The following CIMIP6 variants were observed in gnomAD, a reference collection of about 807,000 sequenced individuals.
The protein encoded by CIMIP6 is ciliary microtubule inner protein 6, also known as uncharacterized protein C2orf73.
chr2:54,357,760 A>G, the CIMIP6 span, among the ~76,000 whole-genome samples: 2 of 128,990 alleles, frequency 1.6e-5, no homozygotes, highest in African/African-American at 5.8e-5. Context: ...TTTTTTTTGT[A>G]TTTTTAGTAG....
At chr2:54,349,412 G>A in the CIMIP6 span, among the ~76,000 whole-genome samples, 1 of 152,104 alleles carries the variant, frequency 6.6e-6, no homozygotes, top group Non-Finnish European at 1.5e-5. Context: ...ACCAATAGAA[G>A]CAGCAAATTG....
chr2:54,378,793 G>A, the CIMIP6 span, among the ~76,000 whole-genome samples: 7 of 152,312 alleles, frequency 4.6e-5, no homozygotes, highest in East Asian at 1.2e-3. Context: ...GTTCCCAAAA[G>A]CTCAAATAAG....
the CIMIP6 span, among the ~76,000 whole-genome samples, chr2:54,337,454 G>T: frequency 6.6e-6 from 1 of 152,134 alleles, no homozygotes; most frequent in Admixed American, 6.5e-5. Flanking sequence ...AAATTAATTT[G>T]GTACCAAAAT....
At chr2:54,367,887 C>G in the CIMIP6 span, among the ~76,000 whole-genome samples, 2 of 152,100 alleles carry the variant, frequency 1.3e-5, no homozygotes, top group African/African-American at 4.8e-5. Flanking sequence ...CTTCAAATTA[C>G]TCTGTAAACT....
chr2:54,343,790 A>G, the CIMIP6 span: 2 of 1,613,122 alleles, frequency 1.2e-6, no homozygotes, highest in Middle Eastern at 1.7e-4. Context: ...AAGAGCACCC[A>G]GAGGAGTGAC....
chr2:54,340,679 C>T, the CIMIP6 span, among the ~76,000 whole-genome samples: 1 of 152,176 alleles, frequency 6.6e-6, no homozygotes, highest in Non-Finnish European at 1.5e-5. Context: ...TTAGGAAAAA[C>T]TGTTCTCTAT....
chr2:54,373,584 T>C, the CIMIP6 span, among the ~76,000 whole-genome samples: 1 of 152,182 alleles, frequency 6.6e-6, no homozygotes, highest in African/African-American at 2.4e-5. Context: ...CCTCTGCTGC[T>C]GCCCTCAGAG....
chr2:54,351,429 G>A, the CIMIP6 span, among the ~76,000 whole-genome samples: 1 of 152,184 alleles, frequency 6.6e-6, no homozygotes. Flanking sequence ...ATACACCGTG[G>A]AACACTATGC....
chr2:54,335,276 TG>T, the CIMIP6 span, among the ~76,000 whole-genome samples: 72 of 152,300 alleles, frequency 4.7e-4, 1 homozygote, highest in African/African-American at 1.7e-3. Context: ...AGTAGTGCTT[TG>T]GGGTTACTAA....
At chr2:54,371,810 C>T in the CIMIP6 span, among the ~76,000 whole-genome samples, 5 of 152,192 alleles carry the variant, frequency 3.3e-5, no homozygotes, top group African/African-American at 1.2e-4. Context: ...AGCAGCTGCG[C>T]AGCTGTGGGA....
chr2:54,375,734 G>A, the CIMIP6 span, among the ~76,000 whole-genome samples: 4 of 152,194 alleles, frequency 2.6e-5, no homozygotes, highest in South Asian at 8.3e-4. Flanking sequence ...AATACATTAT[G>A]ATACATCTGC....
chr2:54,378,883 G>GA, the CIMIP6 span, among the ~76,000 whole-genome samples: 1 of 152,166 alleles, frequency 6.6e-6, no homozygotes, highest in Non-Finnish European at 1.5e-5. Flanking sequence ...CTTTCGTGAT[G>GA]AAAGTACTGT....
the CIMIP6 span, among the ~76,000 whole-genome samples, chr2:54,356,209 T>G: frequency 6.6e-6 from 1 of 151,574 alleles, no homozygotes; most frequent in African/African-American, 2.4e-5. Flanking sequence ...TTCACCAGCA[T>G]TGACGGTTGC....
chr2:54,353,819 A>G, the CIMIP6 span, among the ~76,000 whole-genome samples: 1 of 152,066 alleles, frequency 6.6e-6, no homozygotes, highest in Non-Finnish European at 1.5e-5. Flanking sequence ...TGCCATCTCT[A>G]TTAGCTTTGC....
the CIMIP6 span, among the ~76,000 whole-genome samples, chr2:54,380,310 A>G: frequency 6.6e-6 from 1 of 152,176 alleles, no homozygotes. Context: ...TATTGATGAG[A>G]CAAATTGCCA....
At chr2:54,355,260 T>C in the CIMIP6 span, among the ~76,000 whole-genome samples, 1 of 152,324 alleles carries the variant, frequency 6.6e-6, no homozygotes, top group East Asian at 1.9e-4. Context: ...ATAATTTTTC[T>C]TTGTCCCAGA....
At chr2:54,336,605 TG>T in the CIMIP6 span, among the ~76,000 whole-genome samples, 286 of 152,026 alleles carry the variant, frequency 1.9e-3, no homozygotes, top group African/African-American at 5.3e-3. Context: ...ATAAAGTAAA[TG>T]GGGGAAAAAA....
At chr2:54,381,829 T>C in the CIMIP6 span, 13 of 1,524,706 alleles carry the variant, frequency 8.5e-6, no homozygotes, top group Non-Finnish European at 1.1e-5. Flanking sequence ...CAGTGGGTGT[T>C]CTTGTCTTCC....
At chr2:54,375,717 C>A in the CIMIP6 span, among the ~76,000 whole-genome samples, 1 of 152,302 alleles carries the variant, frequency 6.6e-6, no homozygotes, top group East Asian at 1.9e-4. Context: ...CACAAGGGAA[C>A]TTTTAAAATA....
Sources: gnomAD v4.1 joint callset for allele counts (sites outside exome capture counted in the v4.1 genomes callset) on GRCh38, gnomAD v4.1.1 for gene constraint, MANE v1.5 for transcripts, NCBI Gene and HGNC (gene_info 2026-07-23, HGNC 2026-07-21) for gene names.